CAST: variants seen among roughly 807,000 people sequenced by gnomAD.
The protein encoded by CAST is calpastatin, also known as MIR583 host.
Under a neutral mutation model 119.6 loss-of-function variants are expected in CAST, and 76 were observed. The ratio of observed to expected loss-of-function variants is 0.64; its 90% CI spans 0.53 to 0.77. The LOEUF (loss-of-function observed/expected upper bound fraction) is 0.77. CAST is among the 30% of genes least tolerant of loss of function. The pLI is 0.00. For synonymous variants in CAST, 319 were observed against 331.6 expected (o/e 0.96, Z 0.41); for missense variants, 953 against 946.5 (o/e 1.01, Z -0.09).
intron 1 of CAST, among the ~76,000 whole-genome samples, chr5:96,639,863 A>C (rs1428635045): frequency 6.6e-6 from 1 of 152,144 alleles, no homozygotes; most frequent in South Asian, 2.1e-4. Flanking sequence ...ACACCATCAC[A>C]CACTCCTGGA....
chr5:96,569,218 T>G (rs1746529358), intron 1 of CAST, among the ~76,000 whole-genome samples: 1 of 152,170 alleles, frequency 6.6e-6, no homozygotes, highest in Non-Finnish European at 1.5e-5. Context: ...AAGAAACAGA[T>G]GCAATGAGAG....
the CAST span, among the ~76,000 whole-genome samples, chr5:96,261,063 C>T: frequency 1.2e-4 from 18 of 151,970 alleles, no homozygotes; most frequent in Non-Finnish European, 8.8e-5. Flanking sequence ...TTTTTTGGTC[C>T]CTTTCTTCCT....
intron 1 of CAST, among the ~76,000 whole-genome samples, chr5:96,637,985 C>T (rs1747905313): frequency 6.6e-6 from 1 of 152,200 alleles, no homozygotes; most frequent in African/African-American, 2.4e-5. Context: ...TTTGGAAAAA[C>T]TTCTCCCCTG....
intron 1 of CAST, among the ~76,000 whole-genome samples, chr5:96,537,843 T>A (rs1745846571): frequency 6.6e-6 from 1 of 152,210 alleles, no homozygotes; most frequent in African/African-American, 2.4e-5. Flanking sequence ...CTAATTTTTA[T>A]ATTTGCTAAT....
chr5:96,546,834 G>C (rs1746028796), intron 1 of CAST, among the ~76,000 whole-genome samples: 1 of 152,088 alleles, frequency 6.6e-6, no homozygotes, highest in Non-Finnish European at 1.5e-5. Flanking sequence ...GCTGTCTGTT[G>C]TGCATCATAT....
intron 1 of CAST, among the ~76,000 whole-genome samples, chr5:96,552,953 C>T (rs537040313): frequency 1.3e-5 from 2 of 152,136 alleles, no homozygotes; most frequent in African/African-American, 2.4e-5. Flanking sequence ...AGGACCAGAC[C>T]GATTCACAGC....
the CAST span, among the ~76,000 whole-genome samples, chr5:96,259,626 T>C: frequency 6.6e-6 from 1 of 152,216 alleles, no homozygotes; most frequent in Non-Finnish European, 1.5e-5. Context: ...CTTCCTGAGA[T>C]AGGGCTGTGG....
chr5:96,631,031 G>T (rs1747811453), intron 1 of CAST: 1 of 140,616 alleles, frequency 7.1e-6, no homozygotes, highest in Non-Finnish European at 1.6e-5. Flanking sequence ...CCTTCAGCTA[G>T]AATATATTTC....
chr5:96,532,905 G>A (rs961503959), intron 1 of CAST, among the ~76,000 whole-genome samples: 5 of 151,794 alleles, frequency 3.3e-5, no homozygotes, highest in African/African-American at 9.7e-5. Flanking sequence ...CACACCTGTA[G>A]TCCCAGCTAC....
intron 1 of CAST, among the ~76,000 whole-genome samples, chr5:96,565,784 G>A (rs1043381074): frequency 2.0e-5 from 3 of 152,192 alleles, no homozygotes; most frequent in Admixed American, 2.0e-4. Context: ...CCGGGCAGAA[G>A]GGAATACCTG....
the CAST span, among the ~76,000 whole-genome samples, chr5:96,510,443 A>C: frequency 0.38 from 57,106 of 152,060 alleles, 11,010 homozygotes; most frequent in Middle Eastern, 0.44. Context: ...CAGGGTGAGA[A>C]TATCTACGCT....
At chr5:96,413,082 G>T in the CAST span, 1 of 383,218 alleles carries the variant, frequency 2.6e-6, no homozygotes, top group Non-Finnish European at 3.6e-6. Flanking sequence ...AATAGGGAAA[G>T]CACTTTTGTT....
At chr5:96,421,385 C>A in the CAST span, among the ~76,000 whole-genome samples, 9 of 101,022 alleles carry the variant, frequency 8.9e-5, no homozygotes, top group Non-Finnish European at 1.5e-4. Flanking sequence ...AGGGGCCAGA[C>A]CTCAGAGGCA....
chr5:96,278,256 G>A, the CAST span, among the ~76,000 whole-genome samples: 1 of 152,130 alleles, frequency 6.6e-6, no homozygotes, highest in Non-Finnish European at 1.5e-5. Flanking sequence ...TTGCACAGCA[G>A]ACTGTTCCTC....
At chr5:96,357,637 T>C in the CAST span, among the ~76,000 whole-genome samples, 1 of 152,206 alleles carries the variant, frequency 6.6e-6, no homozygotes, top group African/African-American at 2.4e-5. Flanking sequence ...TTACATGTAT[T>C]GATTTGCGTA....
the CAST span, among the ~76,000 whole-genome samples, chr5:96,238,357 T>TCTTCTTCTTCTTCTTCTTCTC: frequency 1.3e-3 from 102 of 79,674 alleles, 1 homozygote; most frequent in Admixed American, 2.2e-3. Context: ...ATCTTCATCT[T>TCTTCTTCTTCTTCTTCTTCTC]CTTCTTCTCC....
At chr5:96,719,361 A>G (rs1031310531) in intron 3 of CAST, among the ~76,000 whole-genome samples, 3 of 152,212 alleles carry the variant, frequency 2.0e-5, no homozygotes, top group African/African-American at 7.2e-5. Context: ...AGGTCTCACT[A>G]CATTGCCCAG....
At chr5:96,376,819 G>T in the CAST span, among the ~76,000 whole-genome samples, 2 of 152,090 alleles carry the variant, frequency 1.3e-5, no homozygotes, top group Non-Finnish European at 2.9e-5. Context: ...ACAGCCTCAG[G>T]TAGGTCCTTC....
chr5:96,366,683 T>C, the CAST span, among the ~76,000 whole-genome samples: 1 of 152,214 alleles, frequency 6.6e-6, no homozygotes, highest in Admixed American at 6.5e-5. Flanking sequence ...CTCCATCAGG[T>C]CATTTAAGTA....
Sources: gnomAD v4.1 joint callset for allele counts (sites outside exome capture counted in the v4.1 genomes callset) on GRCh38, gnomAD v4.1.1 for gene constraint, MANE v1.5 for transcripts, NCBI Gene and HGNC (gene_info 2026-07-23, HGNC 2026-07-21) for gene names.